C9orf85: variants seen among roughly 807,000 people sequenced by gnomAD.
The protein encoded by C9orf85 is chromosome 9 open reading frame 85.
C9orf85 carries 16 observed loss-of-function variants against 14.9 expected under a neutral mutation model. The ratio of observed to expected loss-of-function variants is 1.08; its 90% CI spans 0.73 to 1.63. The LOEUF (loss-of-function observed/expected upper bound fraction) is 1.63, where lower values mean the gene tolerates loss of function less well. Ranked by LOEUF, C9orf85 falls within the 40% of genes most tolerant of loss-of-function variation. C9orf85 has a pLI of 0.00. For missense variants in C9orf85, 172 were observed against 186.1 expected (o/e 0.92, Z 0.44); for synonymous variants, 45 against 56.8 (o/e 0.79, Z 0.93).
At chr9:71,946,617 AC>A (rs1168958997) in intron 1 of C9orf85, among the ~76,000 whole-genome samples, 1 of 151,958 alleles carries the variant, frequency 6.6e-6, no homozygotes, top group Non-Finnish European at 1.5e-5. Context: ...ACATGGTGAA[AC>A]CCTGTCTCTA....
intron 2 of C9orf85, among the ~76,000 whole-genome samples, chr9:71,955,760 G>A (rs1040220840): frequency 1.3e-5 from 2 of 152,146 alleles, no homozygotes; most frequent in African/African-American, 4.8e-5. Context: ...AGCCATCCAA[G>A]CTGTACTTGT....
At chr9:71,933,190 C>T (rs777312127) in intron 1 of C9orf85, among the ~76,000 whole-genome samples, 5 of 152,188 alleles carry the variant, frequency 3.3e-5, no homozygotes, top group East Asian at 1.9e-4. Context: ...GAGAAAGTGG[C>T]GGAATATTTG....
At chr9:71,913,075 T>G (rs1827556298) in intron 1 of C9orf85, among the ~76,000 whole-genome samples, 2 of 152,126 alleles carry the variant, frequency 1.3e-5, no homozygotes, top group Admixed American at 6.5e-5. Flanking sequence ...TGTATAATAT[T>G]TAATTTCTCT....
chr9:71,985,818 A>C (rs934164194), downstream of C9orf85: 1 of 152,214 alleles, frequency 6.6e-6, no homozygotes, highest in Admixed American at 6.5e-5. Flanking sequence ...AGGTGTTGCT[A>C]TAATAGAGAA....
intron 3 of C9orf85, among the ~76,000 whole-genome samples, chr9:71,978,923 T>A (rs1823050653): frequency 6.6e-6 from 1 of 152,146 alleles, no homozygotes; most frequent in Non-Finnish European, 1.5e-5. Flanking sequence ...TAGTCCCAGC[T>A]ACTTGGGAGG....
intron 1 of C9orf85, among the ~76,000 whole-genome samples, chr9:71,936,686 A>C (rs978683096): frequency 2.2e-4 from 34 of 152,318 alleles, no homozygotes; most frequent in African/African-American, 7.7e-4. Flanking sequence ...CTTTCTTAAA[A>C]ATATTTTCTA....
chr9:71,971,346 G>A (rs1465140870), intron 2 of C9orf85, among the ~76,000 whole-genome samples, 159 bp from the exon 3 acceptor site: 2 of 152,112 alleles, frequency 1.3e-5, no homozygotes, highest in Non-Finnish European at 2.9e-5. Flanking sequence ...TTAGAAATGT[G>A]ATATAATTAA....
At chr9:71,948,130 G>A (rs893487271) in intron 2 of C9orf85, among the ~76,000 whole-genome samples, 14 of 152,128 alleles carry the variant, frequency 9.2e-5, no homozygotes, top group African/African-American at 3.4e-4. Flanking sequence ...GATTTAATTT[G>A]GTAATCTATA....
At chr9:71,926,713 TAGAA>T (rs1340884159) in intron 1 of C9orf85, among the ~76,000 whole-genome samples, 4 of 150,848 alleles carry the variant, frequency 2.7e-5, no homozygotes, top group Non-Finnish European at 4.4e-5. Context: ...AACATCTTAA[TAGAA>T]AGGCTGAATA....
downstream of C9orf85, among the ~76,000 whole-genome samples, chr9:71,976,406 T>C (rs972838893): frequency 1.3e-5 from 2 of 152,180 alleles, no homozygotes; most frequent in African/African-American, 4.8e-5. Context: ...CTCATGCCTG[T>C]AATCCCAGTA....
At chr9:71,921,007 A>G (rs1396291528) in intron 1 of C9orf85, among the ~76,000 whole-genome samples, 1 of 152,162 alleles carries the variant, frequency 6.6e-6, no homozygotes, top group Admixed American at 6.5e-5. Flanking sequence ...TGGAGTCTAG[A>G]CACAACTGAC....
At chr9:71,930,754 G>T (rs1012495588) in intron 1 of C9orf85, among the ~76,000 whole-genome samples, 1 of 145,314 alleles carries the variant, frequency 6.9e-6, no homozygotes, top group Non-Finnish European at 1.5e-5. Context: ...ACAGTGAGCC[G>T]TGATCCCACC....
chr9:71,919,944 G>C (rs1200522915), intron 1 of C9orf85, among the ~76,000 whole-genome samples: 1 of 151,594 alleles, frequency 6.6e-6, no homozygotes, highest in Non-Finnish European at 1.5e-5. Flanking sequence ...CCACCTCCTG[G>C]GTTCAAGCAC....
chr9:71,911,977 C>G (rs1041058566), intron 1 of C9orf85, 141 bp downstream of exon 1: 7 of 752,268 alleles, frequency 9.3e-6, no homozygotes, highest in Admixed American at 3.9e-5. Flanking sequence ...GCAACTCTTT[C>G]TAAAATGTTA....
chr9:71,934,524 A>G (rs1349788932), intron 1 of C9orf85, among the ~76,000 whole-genome samples: 1 of 152,178 alleles, frequency 6.6e-6, no homozygotes, highest in Admixed American at 6.5e-5. Flanking sequence ...AAGGCAGCTC[A>G]TAGAGTGGGA....
chr9:71,981,596 G>A (rs1336775195), intron 3 of C9orf85, among the ~76,000 whole-genome samples: 1 of 152,194 alleles, frequency 6.6e-6, no homozygotes, highest in Non-Finnish European at 1.5e-5. Flanking sequence ...TTAGTAGACT[G>A]ACTACTATAT....
chr9:71,982,635 T>TC (rs1288858093), intron 3 of C9orf85: 2 of 263,572 alleles, frequency 7.6e-6, no homozygotes, highest in Admixed American at 4.5e-5. Context: ...TATATTTCTT[T>TC]TTTTTTTTTT....
At chr9:71,916,594 A>C (rs1827658392) in intron 1 of C9orf85, among the ~76,000 whole-genome samples, 2 of 152,220 alleles carry the variant, frequency 1.3e-5, no homozygotes, top group African/African-American at 4.8e-5. Flanking sequence ...CTTCATCTTG[A>C]GATGGAGATG....
chr9:71,920,393 C>T (rs557869740), intron 1 of C9orf85, among the ~76,000 whole-genome samples: 15 of 152,228 alleles, frequency 9.9e-5, no homozygotes, highest in South Asian at 4.1e-4. Flanking sequence ...CATAAATTCA[C>T]GCTTAGAAAC....
Sources: allele counts gnomAD v4.1 joint callset (sites outside exome capture counted in the v4.1 genomes callset), GRCh38; gene constraint gnomAD v4.1.1; transcripts MANE v1.5; gene names NCBI Gene and HGNC (gene_info 2026-07-23, HGNC 2026-07-21).